TTC28: variants seen among roughly 807,000 people sequenced by gnomAD.
The protein encoded by TTC28 is tetratricopeptide repeat domain 28.
TTC28 carries 61 observed loss-of-function variants against 198.0 expected under a neutral mutation model. The ratio of observed to expected loss-of-function variants is 0.31; its 90% CI spans 0.25 to 0.38. TTC28 has a LOEUF of 0.38. TTC28 is among the 10% of genes least tolerant of loss of function. The pLI is 1.00. For missense variants in TTC28, 2,678 were observed against 3,164.0 expected (o/e 0.85, Z 3.69); for synonymous variants, 1,171 against 1,297.8 (o/e 0.90, Z 2.10).
intron 13 of TTC28, among the ~76,000 whole-genome samples, chr22:28,028,359 T>G (rs1266338585): frequency 6.6e-6 from 1 of 152,220 alleles, no homozygotes; most frequent in Non-Finnish European, 1.5e-5. Context: ...AGCATTGTGC[T>G]CACTGGAGCT....
At chr22:28,487,219 A>G (rs975352802) in intron 2 of TTC28, among the ~76,000 whole-genome samples, 32 of 152,018 alleles carry the variant, frequency 2.1e-4, no homozygotes, top group African/African-American at 6.8e-4. Context: ...TCCAAAATGA[A>G]TATAGCTTTA....
chr22:28,245,077 T>G (rs1311294705), intron 5 of TTC28, among the ~76,000 whole-genome samples: 2 of 152,188 alleles, frequency 1.3e-5, no homozygotes, highest in Non-Finnish European at 2.9e-5. Flanking sequence ...TGTGGAGAGA[T>G]AAAGCAGAGC....
chr22:28,503,737 C>T (rs2048567145), intron 2 of TTC28, among the ~76,000 whole-genome samples: 1 of 152,140 alleles, frequency 6.6e-6, no homozygotes, highest in African/African-American at 2.4e-5. Flanking sequence ...TATCAAGATG[C>T]TGATAAATAA....
intron 5 of TTC28, among the ~76,000 whole-genome samples, chr22:28,205,234 G>A (rs961059423): frequency 6.6e-6 from 1 of 152,048 alleles, no homozygotes; most frequent in Non-Finnish European, 1.5e-5. Flanking sequence ...AGACCGGGGG[G>A]AGAGAGGGAG....
intron 12 of TTC28, among the ~76,000 whole-genome samples, chr22:28,075,004 C>T (rs1009472749): frequency 6.6e-6 from 1 of 152,082 alleles, no homozygotes. Context: ...ACGAGAATCG[C>T]TTGAACTCAG....
chr22:28,678,291 T>C (rs1001022955), intron 1 of TTC28, among the ~76,000 whole-genome samples: 2 of 152,248 alleles, frequency 1.3e-5, no homozygotes, highest in African/African-American at 4.8e-5. Flanking sequence ...CTTGGCTCAC[T>C]GCAACTTGTA....
chr22:28,580,993 T>C (rs2050226210), intron 2 of TTC28, among the ~76,000 whole-genome samples: 1 of 152,130 alleles, frequency 6.6e-6, no homozygotes, highest in African/African-American at 2.4e-5. Context: ...TTATAAAAAA[T>C]AAAGTAAAAT....
chr22:28,167,069 T>C (rs1419463828), intron 5 of TTC28, among the ~76,000 whole-genome samples: 1 of 152,114 alleles, frequency 6.6e-6, no homozygotes, highest in East Asian at 1.9e-4. Flanking sequence ...CTAGAAAATC[T>C]AGAAGAAATG....
intron 2 of TTC28, among the ~76,000 whole-genome samples, chr22:28,483,169 C>T (rs1366613833): frequency 2.6e-5 from 4 of 152,100 alleles, no homozygotes; most frequent in Admixed American, 2.0e-4. Context: ...GAGCACCAGA[C>T]ATGTATTAGA....
intron 6 of TTC28, among the ~76,000 whole-genome samples, chr22:28,108,608 C>T (rs777408652): frequency 1.1e-4 from 17 of 151,964 alleles, no homozygotes; most frequent in Non-Finnish European, 1.6e-4. Flanking sequence ...AAAACATTTA[C>T]TGATTTTATT....
At chr22:28,101,755 G>A (rs1942159018) in intron 8 of TTC28, among the ~76,000 whole-genome samples, 1 of 125,084 alleles carries the variant, frequency 8.0e-6, no homozygotes, top group Admixed American at 1.0e-4. Flanking sequence ...AATCTAGCCT[G>A]GGCAACTTAG....
chr22:28,139,094 G>A (rs968390790), intron 6 of TTC28, among the ~76,000 whole-genome samples: 2 of 152,024 alleles, frequency 1.3e-5, no homozygotes, highest in African/African-American at 2.4e-5. Flanking sequence ...GCGATTGAAG[G>A]AGATGGAGTA....
rs1209603332 is a variant in TTC28, at chr22:28,107,518, T to A, written c.2327A>T (p.Tyr776Phe). ...MIQKYDKALGYHTQELEVYQE... is the reference protein window; with the variant it reads ...MIQKYDKALGFHTQELEVYQE... Reference sequence around the variant, plus strand: ...ATATACCTCCAGTTCCTGTGTGTGATAACCCAGGGCCTTGTCATACTTCTG... The same window carrying A: ...ATATACCTCCAGTTCCTGTGTGTGAAAACCCAGGGCCTTGTCATACTTCTG... The change falls in exon 7 of 23, where the codon TAT becomes TTT. Residue 776 changes from tyrosine to phenylalanine, a missense_variant. Coordinates refer to ENST00000397906, the MANE Select transcript of TTC28 (RefSeq NM_001145418.2). The A allele has an allele frequency of 1.3e-6, 2 of 1,551,858 alleles. No homozygotes were observed. The highest frequency in any genetic ancestry group is 2.0e-5 in the Admixed American group (1 of 51,010).
At chr22:28,617,612 A>C (rs1345555726) in intron 2 of TTC28, among the ~76,000 whole-genome samples, 3 of 152,220 alleles carry the variant, frequency 2.0e-5, no homozygotes, top group Admixed American at 2.0e-4. Context: ...ACAGTCACAA[A>C]TTCTTCCTCT....
intron 2 of TTC28, among the ~76,000 whole-genome samples, chr22:28,557,847 T>C (rs561298715): frequency 6.6e-6 from 1 of 152,342 alleles, no homozygotes; most frequent in Non-Finnish European, 1.5e-5. Flanking sequence ...CTTCTCTGGT[T>C]CCCTTCAAGT....
chr22:28,176,372 T>G (rs1923166450), intron 5 of TTC28, among the ~76,000 whole-genome samples: 1 of 151,930 alleles, frequency 6.6e-6, no homozygotes. Flanking sequence ...AAAGTTGGTA[T>G]TATAGAAGCA....
intron 12 of TTC28, among the ~76,000 whole-genome samples, chr22:28,057,596 TAA>T (rs1435915387): frequency 2.3e-4 from 35 of 152,286 alleles, no homozygotes; most frequent in South Asian, 4.2e-4. Flanking sequence ...TTGATGAGCG[TAA>T]GTTTTAAATT....
intron 2 of TTC28, among the ~76,000 whole-genome samples, chr22:28,511,085 A>G (rs2048681861): frequency 6.6e-6 from 1 of 152,234 alleles, no homozygotes; most frequent in Non-Finnish European, 1.5e-5. Context: ...ATACTGCCCA[A>G]AGTAATTTAT....
chr22:28,070,865 A>C (rs1940938933), intron 12 of TTC28, among the ~76,000 whole-genome samples: 1 of 152,222 alleles, frequency 6.6e-6, no homozygotes, highest in Non-Finnish European at 1.5e-5. Context: ...CTTACAGTAT[A>C]ATTTTCAAGC....
Sources: gnomAD v4.1 joint callset for allele counts (sites outside exome capture counted in the v4.1 genomes callset) on GRCh38, gnomAD v4.1.1 for gene constraint, MANE v1.5 for transcripts, NCBI Gene and HGNC (gene_info 2026-07-23, HGNC 2026-07-21) for gene names.